The following RGS13 variants were observed in gnomAD, a reference collection of about 807,000 sequenced individuals.
RGS13 encodes regulator of G protein signaling 13.
RGS13 carries 14 observed loss-of-function variants against 19.9 expected under a neutral mutation model. The observed-to-expected ratio is 0.70, with a 90% confidence interval of 0.46 to 1.10. The LOEUF is 1.10. Among genes scored for constraint, RGS13 ranks in the 50% least tolerant of loss-of-function variants. The pLI, the probability that RGS13 is intolerant of heterozygous loss-of-function variation, is 0.00. For missense variants in RGS13, 205 were observed against 187.1 expected, an observed-to-expected ratio of 1.10 and a Z score of -0.56; for synonymous variants, 60 against 56.8, an observed-to-expected ratio of 1.06 and a Z score of -0.25.
chr1:192,659,516 G>C lies in RGS13; in HGVS notation c.473G>C (p.Ser158Thr), dbSNP rs1325962524. The C allele has an allele frequency of 1.9e-6, 3 of 1,604,880 alleles. No individual in the cohort carries two copies. In the African/African-American group the frequency reaches 4.0e-5, roughly 22 times the overall value. Reference sequence around the variant, plus strand: ...TTGAAAACTATGCAGTCCAACAACAGTTTCTGACTACAACTCAAAAGTTTA... The same window carrying C: ...TTGAAAACTATGCAGTCCAACAACACTTTCTGACTACAACTCAAAAGTTTA... Reference protein sequence around the residue: ...KLLKTMQSNNSF With the variant: ...KLLKTMQSNNTF The change falls in exon 7 of 7, where the codon AGT (serine) becomes ACT (threonine). Residue 158 changes from serine to threonine, a missense_variant. Physicochemically the swap from Ser to Thr is moderately conservative, Grantham distance 58. Coordinates refer to ENST00000391995, the MANE Select transcript of RGS13 (RefSeq NM_002927.5).
intron 6 of RGS13, 50 bp downstream of exon 6, chr1:192,658,417 G>T (rs751750405): frequency 1.9e-6 from 3 of 1,542,346 alleles, no homozygotes; most frequent in Admixed American, 1.9e-5. Context: ...CCCTGCAAGG[G>T]CATTAATATC....
intron 4 of RGS13, chr1:192,645,530 G>A (rs1248413120): frequency 1.3e-5 from 2 of 152,084 alleles, no homozygotes; most frequent in African/African-American, 4.8e-5. Context: ...TAGAACCTAG[G>A]ACTGTCAGAG....
intron 5 of RGS13, among the ~76,000 whole-genome samples, chr1:192,654,008 G>A (rs1443711853): frequency 3.9e-5 from 6 of 151,928 alleles, no homozygotes; most frequent in Non-Finnish European, 7.4e-5. Context: ...TGTAAATGAC[G>A]AGTTAATGGG....
At chr1:192,652,331 C>T in intron 5 of RGS13, among the ~76,000 whole-genome samples, 1 of 152,002 alleles carries the variant, frequency 6.6e-6, no homozygotes, top group Non-Finnish European at 1.5e-5. Flanking sequence ...ACATCCTGAT[C>T]CCAGAGTCAT....
At chr1:192,639,853 T>C (rs980680081) in intron 3 of RGS13, among the ~76,000 whole-genome samples, 4 of 152,150 alleles carry the variant, frequency 2.6e-5, no homozygotes, top group Non-Finnish European at 5.9e-5. Context: ...TTCTAGTGCA[T>C]CCAGAAATTA....
At chr1:192,655,246 A>G (rs1663414062) in intron 5 of RGS13, among the ~76,000 whole-genome samples, 1 of 152,178 alleles carries the variant, frequency 6.6e-6, no homozygotes, top group South Asian at 2.1e-4. Flanking sequence ...AAAGTATGCC[A>G]ATCACATGAG....
chr1:192,644,609 T>G (rs555125743), intron 4 of RGS13: 13 of 491,112 alleles, frequency 2.6e-5, no homozygotes, highest in African/African-American at 2.5e-4. Context: ...ATTCAGCAAG[T>G]TAAATGCTTT....
chr1:192,658,296 T>A lies in RGS13; in HGVS notation c.223T>A (p.Ser75Thr). Residue 75 changes from serine to threonine, a missense_variant, in exon 6 of 7, where the codon TCA becomes ACA. By Grantham distance (58) the Ser-to-Thr change is moderately conservative. Coordinates refer to ENST00000391995, the MANE Select transcript of RGS13 (RefSeq NM_002927.5). ...ATGTGAAACCTATAAGAAAATTGCC[T>A]CACGGTGGAGCAGAATTTCTAGGGC... ...MACETYKKIA[S>T]RWSRISRAKK... The A allele has an allele frequency of 6.2e-7, 1 of 1,613,584 alleles. No individual in the cohort carries two copies. The highest frequency in any genetic ancestry group is 8.5e-7 in the Non-Finnish European group (1 of 1,179,766).
At chr1:192,649,177 G>C (rs6659815) in intron 5 of RGS13, among the ~76,000 whole-genome samples, 12,140 of 152,098 alleles carry the variant, frequency 0.08, 965 homozygotes, top group African/African-American at 0.2. Context: ...ATCGCCACTG[G>C]CTTTCACTTT....
intron 4 of RGS13, 28 bp from the exon 5 acceptor site, chr1:192,647,898 A>G: frequency 6.6e-7 from 1 of 1,525,464 alleles, no homozygotes; most frequent in Non-Finnish European, 8.9e-7. Flanking sequence ...TATTTAGCCC[A>G]ATCAGTGCTT....
chr1:192,644,604 G>A (rs1663183448), intron 4 of RGS13: 2 of 493,166 alleles, frequency 4.1e-6, no homozygotes, highest in Non-Finnish European at 7.3e-6. Context: ...TGAGAATTCA[G>A]CAAGTTAAAT....
chr1:192,653,883 G>A (rs940952571), intron 5 of RGS13, among the ~76,000 whole-genome samples: 25 of 151,308 alleles, frequency 1.7e-4, no homozygotes, highest in African/African-American at 5.6e-4. Context: ...CATTAAAAAC[G>A]ACCCACAGAA....
intron 5 of RGS13, among the ~76,000 whole-genome samples, chr1:192,656,760 G>A (rs1284353137): frequency 4.6e-5 from 7 of 151,936 alleles, no homozygotes; most frequent in African/African-American, 1.4e-4. Context: ...ATTTACATTC[G>A]GTTTCCCCAA....
intron 4 of RGS13, chr1:192,647,044 G>C (rs941230736): frequency 6.6e-6 from 1 of 152,066 alleles, no homozygotes; most frequent in African/African-American, 2.4e-5. Context: ...AATTAAAACT[G>C]ATACAAAAAA....
chr1:192,647,259 T>C (rs1663239122), intron 4 of RGS13: 1 of 152,144 alleles, frequency 6.6e-6, no homozygotes, highest in South Asian at 2.1e-4. Context: ...AAAATCTGCC[T>C]CTTTTAACCA....
Position 192,659,450 on chromosome 1 carries a change from C to T in RGS13, c.407C>T (p.Ser136Phe), listed in dbSNP as rs866829068. The T allele has an allele frequency of 6.2e-7, 1 of 1,612,824 alleles. No individual in the cohort carries two copies. Among genetic ancestry groups the T allele is most frequent in the Non-Finnish European group, 8.5e-7 (1 of 1,179,302 alleles). ...GTCTATATGCATATGGAAAGGGATTCCTACCCCAGATTTCTAAAGTCAGAA... is the reference window on the plus strand; with the variant it reads ...GTCTATATGCATATGGAAAGGGATTTCTACCCCAGATTTCTAAAGTCAGAA... The part of the protein sequence containing the change: ...KIVYMHMERD[S>F]YPRFLKSEMY... The change falls in exon 7 of 7, where the codon TCC becomes TTC. Residue 136 changes from serine to phenylalanine, a missense_variant. Transcript: ENST00000391995.
At chr1:192,640,581 A>C (rs551059442) in intron 3 of RGS13, among the ~76,000 whole-genome samples, 2 of 152,282 alleles carry the variant, frequency 1.3e-5, no homozygotes, top group African/African-American at 4.8e-5. Context: ...CTCTATTTGC[A>C]ATCGGAAGAG....
At chr1:192,641,249 G>GAA (rs1275121584) in intron 3 of RGS13, among the ~76,000 whole-genome samples, 1 of 48,964 alleles carries the variant, frequency 2.0e-5, no homozygotes, top group Admixed American at 2.5e-4. Context: ...AGAAAGAAAA[G>GAA]AAAGAAAAGA....
intron 1 of RGS13, among the ~76,000 whole-genome samples, chr1:192,637,325 AGATT>A (rs1298357349): frequency 3.3e-5 from 5 of 151,938 alleles, no homozygotes; most frequent in Non-Finnish European, 7.4e-5. Context: ...AGATAAATAT[AGATT>A]ATTTAAATAA....
Sources: allele counts gnomAD v4.1 joint callset (sites outside exome capture counted in the v4.1 genomes callset), GRCh38; gene constraint gnomAD v4.1.1; transcripts MANE v1.5; gene names NCBI Gene and HGNC (gene_info 2026-07-23, HGNC 2026-07-21).